Variants in TBPL2 observed in about 807,000 individuals in gnomAD.
TBPL2 encodes TATA box-binding protein-like 2.
In TBPL2, 40 loss-of-function variants were observed where a neutral mutation model predicts 38.2. That is an observed-to-expected ratio of 1.05 (90% confidence interval 0.81 to 1.36). TBPL2 has a LOEUF of 1.36. Among genes scored for constraint, TBPL2 ranks in the 40% most tolerant of loss-of-function variants. TBPL2 has a pLI of 0.00. For missense variants in TBPL2, 461 were observed against 456.7 expected (o/e 1.01, Z -0.09); for synonymous variants, 169 against 171.7 (o/e 0.98, Z 0.12).
chr14:55,428,119 CTTTTTTTTTTTTTTTT>C (rs567342581), intron 5 of TBPL2, among the ~76,000 whole-genome samples: 5 of 43,332 alleles, frequency 1.2e-4, no homozygotes, highest in African/African-American at 2.3e-4. Context: ...CATGCCTTAT[CTTTTTTTTTTTTTTTT>C]TTTTTTTTTT....
intron 2 of TBPL2, 47 bp downstream of exon 2, chr14:55,436,514 A>G (rs1210283029): frequency 3.3e-6 from 5 of 1,507,074 alleles, no homozygotes; most frequent in Non-Finnish European, 3.7e-6. Flanking sequence ...TCAGGAATAT[A>G]AAATGTGTAC....
At chr14:55,422,793 C>T (rs960035759) in intron 6 of TBPL2, among the ~76,000 whole-genome samples, 1 of 152,086 alleles carries the variant, frequency 6.6e-6, no homozygotes, top group African/African-American at 2.4e-5. Flanking sequence ...GTGGAGGTTG[C>T]AGTGAGCTGA....
At chr14:55,430,041 C>T (rs540809735) in intron 4 of TBPL2, among the ~76,000 whole-genome samples, 35 of 152,222 alleles carry the variant, frequency 2.3e-4, no homozygotes, top group Middle Eastern at 3.4e-3. Context: ...GTGGCTATGT[C>T]CTTTAAGTGT....
intron 1 of TBPL2, among the ~76,000 whole-genome samples, chr14:55,437,791 C>G (rs1202412343): frequency 6.6e-6 from 1 of 152,148 alleles, no homozygotes; most frequent in Non-Finnish European, 1.5e-5. Flanking sequence ...TAGTTGAATG[C>G]TAATCAAGAC....
exon 1 of TBPL2, chr14:55,440,438 C>T (rs760902943): frequency 8.2e-5 from 133 of 1,612,956 alleles, no homozygotes; most frequent in South Asian, 9.9e-5. Flanking sequence ...GGTAGGTCTC[C>T]TCCTGCTCCA....
intron 6 of TBPL2, among the ~76,000 whole-genome samples, chr14:55,421,856 C>A (rs140706615): frequency 6.6e-6 from 1 of 152,178 alleles, no homozygotes; most frequent in Non-Finnish European, 1.5e-5. Context: ...ACAGACATGT[C>A]ATTTTGCTGG....
At chr14:55,440,262 C>T (rs1236031073) in intron 1 of TBPL2, 134 bp downstream of exon 1, 5 of 1,128,218 alleles carry the variant, frequency 4.4e-6, no homozygotes, top group Non-Finnish European at 6.4e-6. Flanking sequence ...TTCTAACCTT[C>T]AACTTAATGA....
chr14:55,436,609 G>T (rs371440701), exon 2 of TBPL2: 5 of 1,614,224 alleles, frequency 3.1e-6, no homozygotes, highest in Non-Finnish European at 4.2e-6. Flanking sequence ...GGTCATTGGT[G>T]TCATGGGAGT....
exon 6 of TBPL2, chr14:55,424,183 C>T: frequency 6.2e-7 from 1 of 1,613,094 alleles, no homozygotes; most frequent in Middle Eastern, 1.7e-4. Context: ...TTTCCAGATA[C>T]AAAGATAAGC....
At chr14:55,435,275 G>GA (rs1200517774) in intron 3 of TBPL2, among the ~76,000 whole-genome samples, 4 of 141,328 alleles carry the variant, frequency 2.8e-5, no homozygotes, top group Non-Finnish European at 4.5e-5. Flanking sequence ...ATAGTCAGGT[G>GA]AAATTTTTTT....
At chr14:55,429,065 G>A (rs1479185069) in intron 4 of TBPL2, 91 bp from the exon 5 acceptor site, 6 of 1,473,380 alleles carry the variant, frequency 4.1e-6, no homozygotes, top group Admixed American at 3.7e-5. Context: ...TTTGTACCAC[G>A]TTTATCTTTC....
At chr14:55,432,200 G>C (rs1329967083) in intron 4 of TBPL2, among the ~76,000 whole-genome samples, 5 of 149,566 alleles carry the variant, frequency 3.3e-5, no homozygotes, top group Non-Finnish European at 7.4e-5. Context: ...TTGAGCCCAG[G>C]AGTTCGAGAC....
exon 2 of TBPL2, chr14:55,436,974 T>C (rs1886025509): frequency 6.2e-7 from 1 of 1,614,174 alleles, no homozygotes; most frequent in Admixed American, 1.7e-5. Flanking sequence ...TATCATAAGG[T>C]ACAACTGGGC....
intron 4 of TBPL2, among the ~76,000 whole-genome samples, chr14:55,430,209 G>A (rs541675648): frequency 1.3e-5 from 2 of 152,102 alleles, no homozygotes; most frequent in African/African-American, 2.4e-5. Context: ...CCCCCTCATG[G>A]GTTTGGCCCT....
At chr14:55,415,959 G>A (rs1885662627) in intron 6 of TBPL2, among the ~76,000 whole-genome samples, 1 of 152,104 alleles carries the variant, frequency 6.6e-6, no homozygotes, top group Non-Finnish European at 1.5e-5. Flanking sequence ...ATGTTTCTTA[G>A]GCTCATCTAA....
chr14:55,439,882 G>C (rs1317587418), intron 1 of TBPL2, among the ~76,000 whole-genome samples: 1 of 139,182 alleles, frequency 7.2e-6, no homozygotes, highest in Non-Finnish European at 1.5e-5. Flanking sequence ...AGTGAGCCGA[G>C]ATCGCGCCAC....
At chr14:55,422,986 C>A (rs1014197271) in intron 6 of TBPL2, among the ~76,000 whole-genome samples, 6 of 151,016 alleles carry the variant, frequency 4.0e-5, no homozygotes, top group African/African-American at 1.5e-4. Flanking sequence ...AAAAAAAAGC[C>A]AACAGGAAAA....
intron 6 of TBPL2, among the ~76,000 whole-genome samples, chr14:55,422,386 C>T (rs1310692824): frequency 1.3e-5 from 2 of 152,202 alleles, no homozygotes; most frequent in African/African-American, 4.8e-5. Flanking sequence ...GCTGGGATTA[C>T]AGGCGCTTGC....
At chr14:55,422,435 G>C (rs1037360122) in intron 6 of TBPL2, among the ~76,000 whole-genome samples, 8 of 152,076 alleles carry the variant, frequency 5.3e-5, no homozygotes, top group African/African-American at 1.9e-4. Flanking sequence ...ATTTTTAGTA[G>C]AGACAGGGTT....
Sources: gnomAD v4.1 joint callset for allele counts (sites outside exome capture counted in the v4.1 genomes callset) on GRCh38, gnomAD v4.1.1 for gene constraint, MANE v1.5 for transcripts, NCBI Gene and HGNC (gene_info 2026-07-23, HGNC 2026-07-21) for gene names.